The following MECOM variants were observed in gnomAD, a reference collection of about 807,000 sequenced individuals.
MECOM encodes histone-lysine N-methyltransferase MECOM.
A neutral mutation model predicts 116.3 loss-of-function variants in MECOM; 13 were observed. The ratio of observed to expected loss-of-function variants is 0.11; its 90% confidence interval spans 0.07 to 0.18. MECOM has a LOEUF of 0.18. Ranked by LOEUF, MECOM falls within the 10% of genes least tolerant of loss-of-function variation. The probability of loss-of-function intolerance (pLI) is 1.00; values close to 1 mark genes in which losing one functional copy is unlikely to be tolerated. For missense variants in MECOM, 1,299 were observed against 1,509.0 expected, an observed-to-expected ratio of 0.86 and a Z score of 2.31; for synonymous variants, 528 against 535.2, an observed-to-expected ratio of 0.99 and a Z score of 0.19.
intron 2 of MECOM, among the ~76,000 whole-genome samples, chr3:169,163,227 A>C (rs998548029): frequency 2.6e-5 from 4 of 152,166 alleles, no homozygotes; most frequent in Non-Finnish European, 5.9e-5. Context: ...TTTTAAAGCA[A>C]GTGTACTTAA....
intron 8 of MECOM, among the ~76,000 whole-genome samples, chr3:169,113,251 G>C (rs1178983225): frequency 6.6e-6 from 1 of 151,888 alleles, no homozygotes; most frequent in Non-Finnish European, 1.5e-5. Flanking sequence ...TTGAATATTA[G>C]AGCAATTTTC....
intron 1 of MECOM, among the ~76,000 whole-genome samples, chr3:169,401,958 A>G (rs1444859424): frequency 6.6e-6 from 1 of 152,184 alleles, no homozygotes; most frequent in Admixed American, 6.5e-5. Flanking sequence ...AGAACTGGAT[A>G]TTAGCATGAT....
chr3:169,415,817 A>G (rs972691822), intron 1 of MECOM, among the ~76,000 whole-genome samples: 2 of 152,234 alleles, frequency 1.3e-5, no homozygotes, highest in Non-Finnish European at 2.9e-5. Flanking sequence ...TGCAACAAGA[A>G]GAGCTAACTA....
intron 3 of MECOM, among the ~76,000 whole-genome samples, chr3:169,133,670 A>T (rs1293326920): frequency 6.6e-6 from 1 of 152,216 alleles, no homozygotes; most frequent in African/African-American, 2.4e-5. Flanking sequence ...TTCTATAAAA[A>T]AAATAGTTTA....
At position 169,643,026 on chromosome 3, in the gene MECOM, A is replaced by G. The variant is rs137857849; in HGVS notation, c.37+20310T>C. Among the ~76,000 whole-genome samples the G allele has an allele frequency of 4.2e-3, 644 of 152,360 alleles. 2 individuals are homozygous for G. Among genetic ancestry groups the G allele is most frequent in the African/African-American group, 0.014 (591 of 41,590 alleles). ...AATCACAAAAGAGGAAAAGAGAGTC[A>G]GGGCTGCAAAGGAGAGCAAAAAATA... On this transcript the variant is annotated intron_variant, in intron 1 of 16. Coordinates refer to ENST00000651503, the MANE Select transcript of MECOM (RefSeq NM_004991.4).
At chr3:169,440,743 C>T (rs1743503601) in intron 1 of MECOM, among the ~76,000 whole-genome samples, 2 of 152,158 alleles carry the variant, frequency 1.3e-5, no homozygotes, top group African/African-American at 4.8e-5. Flanking sequence ...AACAACTTCT[C>T]TTTCCCCTTC....
intron 1 of MECOM, among the ~76,000 whole-genome samples, chr3:169,444,276 C>G (rs1425362967): frequency 2.0e-5 from 3 of 152,066 alleles, no homozygotes; most frequent in African/African-American, 7.2e-5. Context: ...CTAGACACTC[C>G]CCATCAAATT....
chr3:169,404,477 A>T (rs1213923733), intron 1 of MECOM, among the ~76,000 whole-genome samples: 1 of 152,246 alleles, frequency 6.6e-6, no homozygotes, highest in Non-Finnish European at 1.5e-5. Context: ...AACTCCAAAC[A>T]AACCCAGCCA....
At chr3:169,289,701 T>A (rs1323712258) in intron 2 of MECOM, among the ~76,000 whole-genome samples, 3 of 152,262 alleles carry the variant, frequency 2.0e-5, no homozygotes, top group Admixed American at 2.0e-4. Context: ...CTAAAAAAAA[T>A]TAACTCCTGA....
chr3:169,554,576 T>C (rs1169570598), intron 1 of MECOM, among the ~76,000 whole-genome samples: 1 of 152,180 alleles, frequency 6.6e-6, no homozygotes, highest in Non-Finnish European at 1.5e-5. Context: ...CTGTTAAAGA[T>C]TGGCACATCA....
intron 1 of MECOM, among the ~76,000 whole-genome samples, chr3:169,386,445 A>C (rs1733328209): frequency 6.6e-6 from 1 of 152,162 alleles, no homozygotes; most frequent in African/African-American, 2.4e-5. Flanking sequence ...CGATCCTTAA[A>C]GATATGTTTT....
intron 1 of MECOM, among the ~76,000 whole-genome samples, chr3:169,557,741 A>G (rs1039522181): frequency 1.2e-4 from 19 of 152,196 alleles, no homozygotes; most frequent in Non-Finnish European, 5.9e-5. Flanking sequence ...CAGGTTCCTT[A>G]TTCACTGTAG....
intron 2 of MECOM, among the ~76,000 whole-genome samples, chr3:169,308,507 C>T (rs1718123268): frequency 6.6e-6 from 1 of 152,160 alleles, no homozygotes. Context: ...ATTCTATCTA[C>T]TGTTCAAAAA....
At chr3:169,541,148 T>C (rs988161724) in intron 1 of MECOM, among the ~76,000 whole-genome samples, 1 of 152,300 alleles carries the variant, frequency 6.6e-6, no homozygotes, top group Non-Finnish European at 1.5e-5. Flanking sequence ...CAAACCCTGA[T>C]TTGGGGTGAG....
chr3:169,519,129 C>T (rs1757052925), intron 1 of MECOM, among the ~76,000 whole-genome samples: 1 of 152,196 alleles, frequency 6.6e-6, no homozygotes, highest in Non-Finnish European at 1.5e-5. Context: ...AATGAGAATG[C>T]TTCTCTCTGT....
At chr3:169,463,927 A>C (rs1400205625) in intron 1 of MECOM, 1 of 152,004 alleles carries the variant, frequency 6.6e-6, no homozygotes, top group African/African-American at 2.4e-5. Flanking sequence ...TTTTTAATTC[A>C]CCTATTTTTC....
At chr3:169,645,853 G>A (rs757244731) in intron 1 of MECOM, among the ~76,000 whole-genome samples, 4 of 152,122 alleles carry the variant, frequency 2.6e-5, no homozygotes, top group African/African-American at 7.2e-5. Flanking sequence ...AGTTTCTCAT[G>A]TCTGGGACTC....
chr3:169,619,850 G>C (rs910417056), intron 1 of MECOM, among the ~76,000 whole-genome samples: 1 of 152,194 alleles, frequency 6.6e-6, no homozygotes, highest in African/African-American at 2.4e-5. Context: ...GGAGGTGCTA[G>C]TCATAAACGT....
intron 2 of MECOM, among the ~76,000 whole-genome samples, chr3:169,219,447 C>CG (rs1751836964): frequency 6.6e-6 from 1 of 152,160 alleles, no homozygotes; most frequent in Non-Finnish European, 1.5e-5. Context: ...GCGGAGCTTG[C>CG]AGTGAGCCAA....
Sources: gnomAD v4.1 joint callset for allele counts (sites outside exome capture counted in the v4.1 genomes callset) on GRCh38, gnomAD v4.1.1 for gene constraint, MANE v1.5 for transcripts, NCBI Gene and HGNC (gene_info 2026-07-23, HGNC 2026-07-21) for gene names.